ZNF680: variants seen among roughly 807,000 people sequenced by gnomAD.
ZNF680 encodes the protein zinc finger protein 680.
Under a neutral mutation model 12.1 loss-of-function variants are expected in ZNF680, and 6 were observed. The ratio of observed to expected loss-of-function variants is 0.49; its 90% CI spans 0.27 to 0.98. The LOEUF is 0.98. ZNF680 is among the 50% of genes least tolerant of loss of function. ZNF680 has a pLI of 0.12. For missense variants in ZNF680, 561 were observed against 616.3 expected (o/e 0.91, Z 0.95); for synonymous variants, 170 against 199.3 (o/e 0.85, Z 1.24).
chr7:64,506,404 G>A, the ZNF680 span, among the ~76,000 whole-genome samples: 780 of 152,126 alleles, frequency 5.1e-3, 8 homozygotes, highest in African/African-American at 0.018. Flanking sequence ...TAGCCAGGAT[G>A]GTCTCGATCT....
chr7:64,525,203 CTAG>C (rs1260277987), intron 3 of ZNF680: 1 of 152,098 alleles, frequency 6.6e-6, no homozygotes, highest in African/African-American at 2.4e-5. Flanking sequence ...AAAACGTACA[CTAG>C]TAGAACAGAA....
rs1169380270 is a variant in ZNF680 at position 64,544,365 on chromosome 7, G to A, written c.98C>T (p.Ala33Val). 1 of 1,604,304 alleles carries A rather than the reference G, an allele frequency of 6.2e-7. No individual in the cohort carries two copies. Among genetic ancestry groups the A allele is most frequent in the Admixed American group, 1.7e-5 (1 of 59,668 alleles). ...CACTTTCCTATATAAATTCCGTTGT[G>A]CAGTGTCCAGGCATTGCCACTCCTC... The part of the protein sequence containing the change: ...SLEEWQCLDT[A>V]QRNLYRKVMF... Residue 33 changes from alanine to valine, a missense_variant, in exon 2 of 4, where the codon GCA becomes GTA. Transcript: ENST00000309683.
At chr7:64,530,592 C>G (rs1785807984) in intron 3 of ZNF680, among the ~76,000 whole-genome samples, 1 of 152,006 alleles carries the variant, frequency 6.6e-6, no homozygotes, top group African/African-American at 2.4e-5. Context: ...CAATAAAAGG[C>G]CTTGGCTGGT....
the ZNF680 span, among the ~76,000 whole-genome samples, chr7:64,500,154 C>G: frequency 6.6e-6 from 1 of 152,116 alleles, no homozygotes; most frequent in East Asian, 1.9e-4. Context: ...GTCAAGCCAC[C>G]CTTCGTGTTT....
chr7:64,547,852 AAT>A (rs1439740388), intron 1 of ZNF680, among the ~76,000 whole-genome samples: 1 of 152,220 alleles, frequency 6.6e-6, no homozygotes, highest in Non-Finnish European at 1.5e-5. Flanking sequence ...CCCTAAAATA[AAT>A]ATTTTTCCCA....
In ZNF680 at chr7:64,521,589, G is replaced by A. The variant is rs1791534831; in HGVS notation, c.1165C>T (p.Gln389Ter). The A allele has an allele frequency of 6.2e-7, 1 of 1,611,234 alleles. No individual in the cohort carries two copies. Among genetic ancestry groups the A allele is most frequent in the African/African-American group, 1.3e-5 (1 of 74,476 alleles). Residue 389 changes from glutamine to a stop codon, truncating the protein, a stop_gained, in exon 4 of 4, where the codon CAG (glutamine) becomes TAG (stop). Coordinates refer to ENST00000309683, the MANE Select transcript of ZNF680 (RefSeq NM_178558.5). LOFTEE classifies it low-confidence loss of function (END_TRUNC). Reference protein sequence around the residue: ...KCEECGKAFIQSSNLTEHMRI... With the variant: ...KCEECGKAFI Reference sequence around the variant, plus strand: ...ATATGTTCAGTAAGGTTTGAGGACTGTATAAAAGCTTTGCCGCATTCTTCA... The same window carrying A: ...ATATGTTCAGTAAGGTTTGAGGACTATATAAAAGCTTTGCCGCATTCTTCA...
the ZNF680 span, among the ~76,000 whole-genome samples, chr7:64,513,207 T>C: frequency 6.7e-6 from 1 of 150,360 alleles, no homozygotes; most frequent in Admixed American, 6.6e-5. Flanking sequence ...TTATAACATA[T>C]AATTAAAACT....
chr7:64,524,687 C>T (rs150232714), intron 3 of ZNF680: 306 of 152,178 alleles, frequency 2.0e-3, no homozygotes, highest in African/African-American at 6.0e-3. Context: ...TTATTAATAA[C>T]AGAGGCATAA....
chr7:64,556,481 C>G (rs1401379927), intron 1 of ZNF680, among the ~76,000 whole-genome samples: 1 of 152,024 alleles, frequency 6.6e-6, no homozygotes, highest in East Asian at 1.9e-4. Context: ...AATCATGCCA[C>G]ACACCTACAA....
At chr7:64,511,067 C>T in the ZNF680 span, among the ~76,000 whole-genome samples, 3 of 151,386 alleles carry the variant, frequency 2.0e-5, no homozygotes, top group African/African-American at 7.3e-5. Context: ...GTCAGGAGTT[C>T]GAGACCAGCC....
chr7:64,555,733 A>T (rs182749869), intron 1 of ZNF680, among the ~76,000 whole-genome samples: 9,203 of 87,486 alleles, frequency 0.11, 308 homozygotes, highest in African/African-American at 0.12. Context: ...TGTAAAAAAA[A>T]ATATATATAT....
At chr7:64,545,090 C>A (rs1213377476) in intron 1 of ZNF680, among the ~76,000 whole-genome samples, 6 of 151,732 alleles carry the variant, frequency 4.0e-5, no homozygotes, top group African/African-American at 1.5e-4. Flanking sequence ...GAAACCCCAT[C>A]TCTACTAAAA....
chr7:64,537,983 G>C (rs7777673), intron 3 of ZNF680, among the ~76,000 whole-genome samples: 101,459 of 151,810 alleles, frequency 0.67, 34,795 homozygotes, highest in African/African-American at 0.84. Flanking sequence ...AGAAAAGAAC[G>C]CTTTTGTGTA....
chr7:64,510,228 T>TAA, the ZNF680 span, among the ~76,000 whole-genome samples: 2 of 146,690 alleles, frequency 1.4e-5, no homozygotes, highest in Admixed American at 6.8e-5. Context: ...AAATACGTAA[T>TAA]AAAAAAAAAA....
the ZNF680 span, among the ~76,000 whole-genome samples, chr7:64,499,102 A>AT: frequency 6.6e-6 from 1 of 152,198 alleles, no homozygotes; most frequent in Non-Finnish European, 1.5e-5. Flanking sequence ...TTATTTTGGC[A>AT]TTTTTTGGAA....
chr7:64,543,627 A>T, intron 3 of ZNF680, 80 bp downstream of exon 3: 1 of 1,233,358 alleles, frequency 8.1e-7, no homozygotes. Context: ...CCCAAATCCC[A>T]TGTCAAGAAC....
At chr7:64,559,627 C>T (rs1260898440) in intron 1 of ZNF680, among the ~76,000 whole-genome samples, 2 of 151,886 alleles carry the variant, frequency 1.3e-5, no homozygotes, top group African/African-American at 2.4e-5. Flanking sequence ...ATTACAGGTG[C>T]CCACTACCAC....
At chr7:64,499,411 ATCACT>A in the ZNF680 span, among the ~76,000 whole-genome samples, 1 of 152,202 alleles carries the variant, frequency 6.6e-6, no homozygotes, top group Non-Finnish European at 1.5e-5. Context: ...TTTCAAGGAA[ATCACT>A]TCTCTTCTAA....
At position 64,540,239 on chromosome 7, in the gene ZNF680, A is replaced by T. The variant is rs533570166; in HGVS notation, c.253+3468T>A. On this transcript the variant is annotated intron_variant, in intron 3 of 3. Coordinates refer to ENST00000309683, the MANE Select transcript of ZNF680 (RefSeq NM_178558.5). ...ATAAGCCATAACCAAAATGGAGGTC[A>T]TATTTGTAGATAAAAGCACACACAT... 2.6e-5 allele frequency among the ~76,000 whole-genome samples: 4 copies of T among 152,188 alleles called. No individual in the cohort carries two copies. The South Asian group carries it at 8.3e-4, about 32-fold the overall frequency.
Sources: gnomAD v4.1 joint callset for allele counts (sites outside exome capture counted in the v4.1 genomes callset) on GRCh38, gnomAD v4.1.1 for gene constraint, MANE v1.5 for transcripts, NCBI Gene and HGNC (gene_info 2026-07-23, HGNC 2026-07-21) for gene names.